The following MET variants were observed in gnomAD, a reference collection of about 807,000 sequenced individuals.
MET encodes the protein MET proto-oncogene, receptor tyrosine kinase, also known as hepatocyte growth factor receptor.
In MET, 48 loss-of-function variants were observed where a neutral mutation model predicts 133.1. That is an observed-to-expected ratio of 0.36 (90% CI 0.29 to 0.46). The LOEUF (loss-of-function observed/expected upper bound fraction) is 0.46, where lower values mean the gene tolerates loss of function less well. Among genes scored for constraint, MET ranks in the 20% least tolerant of loss-of-function variants. The probability of loss-of-function intolerance (pLI) is 1.00; values close to 1 mark genes in which losing one functional copy is unlikely to be tolerated. For missense variants in MET, 1,442 were observed against 1,695.9 expected, an observed-to-expected ratio of 0.85 and a Z score of 2.63; for synonymous variants, 628 against 616.5, an observed-to-expected ratio of 1.02 and a Z score of -0.28.
At position 116,764,595 on chromosome 7, in the gene MET, C is replaced by T. The variant is rs1450443192; in HGVS notation, c.2583+1327C>T. Among the ~76,000 whole-genome samples, 6 of 152,044 alleles carry T rather than the reference C, an allele frequency of 3.9e-5. No individual in the cohort carries two copies. In the South Asian group the frequency reaches 1.2e-3, roughly 32 times the overall value. On this transcript the variant is annotated intron_variant, in intron 11 of 20. Coordinates refer to ENST00000397752, the MANE Select transcript of MET (RefSeq NM_000245.4). The stretch of plus-strand genomic sequence containing the variant: ...ACGGTTCTTTATCTACCCTTCCAAG[C>T]ACAGTCTTTATGGAAGAGAAAACTT...
chr7:116,795,505 T>G, intron 19 of MET, 150 bp from the exon 20 acceptor site: 1 of 954,012 alleles, frequency 1.0e-6, no homozygotes, highest in Admixed American at 1.8e-5. Flanking sequence ...AATGTATAGC[T>G]TAATAATTGC....
intron 19 of MET, among the ~76,000 whole-genome samples, chr7:116,783,891 G>T (rs1460546570): frequency 6.6e-6 from 1 of 152,238 alleles, no homozygotes; most frequent in African/African-American, 2.4e-5. Context: ...GTGAGGGCAT[G>T]ATCCCTGGGC....
chr7:116,774,501 G>A (rs776714088), intron 14 of MET, among the ~76,000 whole-genome samples: 1 of 152,190 alleles, frequency 6.6e-6, no homozygotes, highest in Non-Finnish European at 1.5e-5. Flanking sequence ...GTCTCAAAAG[G>A]CATCTTTTTC....
intron 4 of MET, 136 bp from the exon 5 acceptor site, chr7:116,740,716 G>A (rs1263225671): frequency 9.5e-7 from 1 of 1,053,540 alleles, no homozygotes; most frequent in Non-Finnish European, 1.4e-6. Flanking sequence ...GTTATGACAG[G>A]ATTTGCACAC....
chr7:116,711,990 A>T (rs1792019950), intron 2 of MET, among the ~76,000 whole-genome samples: 1 of 152,190 alleles, frequency 6.6e-6, no homozygotes, highest in Non-Finnish European at 1.5e-5. Flanking sequence ...AAACAGCGTT[A>T]GTCACTGAAC....
At chr7:116,787,188 G>A (rs1584969394) in intron 19 of MET, among the ~76,000 whole-genome samples, 1 of 152,146 alleles carries the variant, frequency 6.6e-6, no homozygotes, top group Non-Finnish European at 1.5e-5. Flanking sequence ...TGAAAGAAGT[G>A]GGTGCTAGAG....
At position 116,721,790 on chromosome 7, in the gene MET, C is replaced by T. The variant is rs373819683; in HGVS notation, c.1201-9878C>T. Among the ~76,000 whole-genome samples, 521 of 152,024 alleles carry T rather than the reference C, an allele frequency of 3.4e-3. 1 individual carries two copies. The highest frequency in any genetic ancestry group is 5.0e-3 in the Non-Finnish European group (343 of 67,986). ...GTTGTTCAGTTTCCATGTAGTTGAG[C>T]GGTTTTGAGTGAGATTCTTAATCCT... On this transcript the variant is annotated intron_variant, in intron 2 of 20. Coordinates refer to ENST00000397752, the MANE Select transcript of MET (RefSeq NM_000245.4).
chr7:116,675,426 T>C (rs1796121401), intron 1 of MET, among the ~76,000 whole-genome samples: 1 of 152,228 alleles, frequency 6.6e-6, no homozygotes, highest in African/African-American at 2.4e-5. Flanking sequence ...ATAGAATTTT[T>C]TTTTAAAAAT....
intron 5 of MET, among the ~76,000 whole-genome samples, chr7:116,754,981 AAGG>A (rs1355122579): frequency 6.9e-6 from 1 of 143,950 alleles, no homozygotes; most frequent in Non-Finnish European, 1.5e-5. Context: ...GAAGCAGAGA[AAGG>A]AAAGAAAGAA....
chr7:116,714,842 C>T (rs1490389467), intron 2 of MET, among the ~76,000 whole-genome samples: 2 of 151,538 alleles, frequency 1.3e-5, no homozygotes, highest in Admixed American at 1.3e-4. Flanking sequence ...TCCCAAAAAA[C>T]ATGTGCCAAC....
intron 6 of MET, among the ~76,000 whole-genome samples, chr7:116,756,429 G>A (rs989048729): frequency 6.6e-6 from 1 of 152,146 alleles, no homozygotes; most frequent in Non-Finnish European, 1.5e-5. Context: ...CCATTTTACT[G>A]AGACCAAAAC....
In MET at chr7:116,797,412, T is replaced by C. The variant is rs930874808; in HGVS notation, c.*1288T>C. ...ACTTTTGGGGAGTTTTATTTTGCAT[T>C]AGGGTGTGTTTTATGTTAAGCAAAA... On this transcript the variant is annotated 3_prime_UTR_variant, in exon 21 of 21. Coordinates refer to ENST00000397752, the MANE Select transcript of MET (RefSeq NM_000245.4). 2.2e-5 allele frequency: 5 copies of C among 228,138 alleles called. No homozygotes were observed. Among genetic ancestry groups the C allele is most frequent in the African/African-American group, 8.9e-5 (4 of 45,004 alleles). The allele number at this position is 228,138 out of a possible 1,614,324, so 14.1% of individuals were successfully genotyped here.
At chr7:116,754,915 G>GAAAGAA (rs1794079067) in intron 5 of MET, among the ~76,000 whole-genome samples, 1 of 139,372 alleles carries the variant, frequency 7.2e-6, no homozygotes, top group South Asian at 2.3e-4. Context: ...AAGAAAGAAA[G>GAAAGAA]AAAGAAAGAA....
At position 116,785,037 on chromosome 7, in the gene MET, A is replaced by G. The variant is rs183750961; in HGVS notation, c.3798+1568A>G. Among the ~76,000 whole-genome samples the G allele has an allele frequency of 1.3e-3, 192 of 152,382 alleles. 1 individual carries two copies. Among genetic ancestry groups the G allele is most frequent in the African/African-American group, 4.4e-3 (185 of 41,594 alleles). ...CAAGTCCGAGGCCCTATGCAAGTCC[A>G]AAACCCAGCAAGGCAGTTATTAAAT... On this transcript the variant is annotated intron_variant, in intron 19 of 20. Transcript: ENST00000397752.
intron 5 of MET, among the ~76,000 whole-genome samples, chr7:116,746,086 A>T (rs1793669412): frequency 1.3e-5 from 2 of 152,268 alleles, no homozygotes; most frequent in Non-Finnish European, 2.9e-5. Flanking sequence ...ATTTACAAGA[A>T]AAATCTAACA....
intron 16 of MET, among the ~76,000 whole-genome samples, chr7:116,777,888 GACAA>G (rs1381420521): frequency 1.3e-5 from 2 of 152,124 alleles, no homozygotes; most frequent in African/African-American, 4.8e-5. Context: ...AATGAAATAA[GACAA>G]ACAGGAGAAA....
At chr7:116,733,355 T>G (rs1562904757) in intron 3 of MET, among the ~76,000 whole-genome samples, 2 of 152,106 alleles carry the variant, frequency 1.3e-5, no homozygotes. Flanking sequence ...CTGCTTTTTT[T>G]TTTTTCAAAA....
chr7:116,711,754 A>G (rs1792008878), intron 2 of MET, among the ~76,000 whole-genome samples: 1 of 152,178 alleles, frequency 6.6e-6, no homozygotes, highest in Non-Finnish European at 1.5e-5. Context: ...ATCTTTGTTA[A>G]GAGCAAACCT....
In MET at chr7:116,699,992, A is replaced by G. The variant is rs1483850580; in HGVS notation, c.908A>G (p.Lys303Arg). The change falls in exon 2 of 21, where the codon AAG (lysine) becomes AGG (arginine). Residue 303 changes from lysine to arginine, a missense_variant. This residue lies in a region of MET where 762 missense variants were observed against 792.4 expected (regional missense o/e 0.96). Transcript: ENST00000397752. ...CCTCTGGAGTGTATTCTCACAGAAA[A>G]GAGAAAAAAGAGATCCACAAAGAAG... ...EMPLECILTE[K>R]RKKRSTKKEV... is the part of the protein sequence containing the mutation. 2 of 1,614,024 alleles carry G rather than the reference A, an allele frequency of 1.2e-6. No individual in the cohort carries two copies.
Sources: allele counts gnomAD v4.1 joint callset (sites outside exome capture counted in the v4.1 genomes callset), GRCh38; gene constraint gnomAD v4.1.1; regional missense constraint gnomAD v4.1.1; transcripts MANE v1.5; gene names NCBI Gene and HGNC (gene_info 2026-07-23, HGNC 2026-07-21).